NKIRAS1: variants seen among roughly 807,000 people sequenced by gnomAD.
NKIRAS1 encodes NF-kappa-B inhibitor-interacting Ras-like protein 1.
In NKIRAS1, 16 loss-of-function variants were observed where a neutral mutation model predicts 19.8. That is an observed-to-expected ratio of 0.81 (90% CI 0.55 to 1.23). The LOEUF (loss-of-function observed/expected upper bound fraction) is 1.23. Ranked by LOEUF, NKIRAS1 falls within the 50% of genes most tolerant of loss-of-function variation. The pLI is 0.00. For missense variants in NKIRAS1, 184 were observed against 220.0 expected (o/e 0.84, Z 1.04); for synonymous variants, 88 against 79.0 (o/e 1.11, Z -0.61).
chr3:23,917,767 TG>T (rs1394781997), upstream of NKIRAS1: 5 of 1,384,186 alleles, frequency 3.6e-6, no homozygotes, highest in Non-Finnish European at 4.9e-6. Context: ...TCCTTGTTTT[TG>T]TTGGGGAACT....
rs555161640 is a variant in NKIRAS1 at position 23,922,163 on chromosome 3, T to A, written c.-139-10713A>T. The stretch of plus-strand genomic sequence containing the variant: ...ATCTCACAAAAAATAACAAATCAGC[T>A]GGGCATGGTGTTGCACGCCTGTAGT... On this transcript the variant is annotated intron_variant, in intron 1 of 4. Coordinates refer to the NKIRAS1 transcript ENST00000421515. This position sits in a 1 kb window ranked among gnomAD's most constrained non-coding sequence, Gnocchi z 4.2. The A allele has an allele frequency of 6.5e-6, 1 of 153,082 alleles. No individual in the cohort carries two copies. Among genetic ancestry groups the A allele is most frequent in the South Asian group, 2.1e-4 (1 of 4,876 alleles). 9.5% of individuals were successfully genotyped at this position (153,082 alleles called of 1,614,324 possible). A position where few individuals can be genotyped will look rare whatever the true frequency, so the allele number is the denominator to read the frequency against.
intron 1 of NKIRAS1, among the ~76,000 whole-genome samples, chr3:23,934,993 T>C (rs998097347): frequency 1.3e-5 from 2 of 152,132 alleles, no homozygotes. Context: ...CCCGCTCCAA[T>C]CCAATCCACC....
chr3:23,939,251 CA>C (rs1705450421), intron 1 of NKIRAS1, among the ~76,000 whole-genome samples: 1 of 151,592 alleles, frequency 6.6e-6, no homozygotes, highest in Non-Finnish European at 1.5e-5. Flanking sequence ...GATAAATGTC[CA>C]AATCAAGAAA....
chr3:23,918,380 T>C, upstream of NKIRAS1: 1 of 1,557,946 alleles, frequency 6.4e-7, no homozygotes, highest in Non-Finnish European at 8.7e-7. Flanking sequence ...GACAAGCCAT[T>C]GAGTCTTAAG....
At chr3:23,893,366 A>C (rs776365540) in intron 4 of NKIRAS1, 29 bp from the exon 5 acceptor site, 6 of 1,587,012 alleles carry the variant, frequency 3.8e-6, no homozygotes, top group Non-Finnish European at 5.1e-6. Context: ...AAAAGATCAT[A>C]CTAGTACTTT....
chr3:23,907,819 T>C (rs922120110), intron 3 of NKIRAS1, among the ~76,000 whole-genome samples: 2 of 152,234 alleles, frequency 1.3e-5, no homozygotes, highest in Non-Finnish European at 2.9e-5. Flanking sequence ...AAATGGAAAC[T>C]ATACATAAAG....
At chr3:23,904,371 G>C (rs540610891) in intron 3 of NKIRAS1, among the ~76,000 whole-genome samples, 1 of 152,302 alleles carries the variant, frequency 6.6e-6, no homozygotes, top group East Asian at 1.9e-4. Flanking sequence ...GCAAGATGGA[G>C]CCTTGTTGCT....
At chr3:23,930,634 A>G (rs1705297841) in intron 1 of NKIRAS1, among the ~76,000 whole-genome samples, 1 of 152,186 alleles carries the variant, frequency 6.6e-6, no homozygotes, top group African/African-American at 2.4e-5. Flanking sequence ...TTTCATAATT[A>G]TAATGATCAT....
chr3:23,945,570 G>C (rs1235481941), intron 1 of NKIRAS1: 3 of 1,168,530 alleles, frequency 2.6e-6, no homozygotes, highest in Non-Finnish European at 3.2e-6. Context: ...CCGCCTCCGC[G>C]AGGGCACCAT....
chr3:23,901,691 G>A (rs1213828819), intron 3 of NKIRAS1, among the ~76,000 whole-genome samples: 1 of 152,182 alleles, frequency 6.6e-6, no homozygotes, highest in Non-Finnish European at 1.5e-5. Context: ...AGGAATTAAA[G>A]GGAGAAGATT....
At chr3:23,899,351 TA>T (rs1369273054) in intron 4 of NKIRAS1, among the ~76,000 whole-genome samples, 4 of 152,128 alleles carry the variant, frequency 2.6e-5, no homozygotes, top group African/African-American at 9.7e-5. Context: ...TGTTACTTCT[TA>T]AAACTGCATG....
rs541172222 is a variant in NKIRAS1, at chr3:23,937,200, G to A, written c.-140+9123C>T. ...TCGAGACCAGCCTGGCCAATGTGGC[G>A]AAACCCAGTCTCTACAAAAAATACA... On this transcript the variant is annotated intron_variant, in intron 1 of 4. Coordinates refer to the NKIRAS1 transcript ENST00000421515. Among the ~76,000 whole-genome samples, 1,010 of 151,934 alleles carry A rather than the reference G, an allele frequency of 6.6e-3. 11 individuals are homozygous for A. The highest frequency in any genetic ancestry group is 0.023 in the African/African-American group (965 of 41,402).
At chr3:23,908,432 C>G (rs780422716) in intron 3 of NKIRAS1, among the ~76,000 whole-genome samples, 1 of 152,084 alleles carries the variant, frequency 6.6e-6, no homozygotes, top group African/African-American at 2.4e-5. Flanking sequence ...TATCTGTGTG[C>G]GGCTGGATTT....
intron 1 of NKIRAS1, among the ~76,000 whole-genome samples, chr3:23,942,733 TTTACA>T (rs1705528221): frequency 6.6e-6 from 1 of 152,034 alleles, no homozygotes; most frequent in Non-Finnish European, 1.5e-5. Flanking sequence ...AAAGCCACAG[TTTACA>T]TTAGGATACA....
upstream of NKIRAS1, chr3:23,920,237 G>C (rs1487123552): frequency 2.1e-5 from 21 of 985,726 alleles, no homozygotes; most frequent in South Asian, 6.6e-4. Flanking sequence ...TGCTAATTGT[G>C]ATCATTATGA....
upstream of NKIRAS1, chr3:23,920,458 A>G (rs969860175): frequency 1.0e-5 from 10 of 985,286 alleles, no homozygotes; most frequent in African/African-American, 1.6e-4. Flanking sequence ...ACCATTCCAC[A>G]AAGTTGGACC....
chr3:23,917,289 G>C (rs1374313257), upstream of NKIRAS1: 2 of 152,546 alleles, frequency 1.3e-5, no homozygotes, highest in African/African-American at 4.8e-5. Context: ...TGTGCGGCCA[G>C]AGTTTGGTCA....
upstream of NKIRAS1, chr3:23,918,830 G>A (rs746326389): frequency 2.4e-5 from 13 of 533,776 alleles, no homozygotes; most frequent in African/African-American, 5.7e-5. Flanking sequence ...ACCAAATGTG[G>A]CCTGCACAGC....
Position 23,893,022 on chromosome 3 carries a change from T to C in NKIRAS1, c.*73A>G, listed in dbSNP as rs1344193131. 9 of 1,441,420 alleles carry C rather than the reference T, an allele frequency of 6.2e-6. No homozygotes were observed. Among genetic ancestry groups the C allele is most frequent in the Admixed American group, 2.5e-5 (1 of 39,572 alleles). The allele number at this position is 1,441,420 out of a possible 1,614,324, so 89.3% of individuals were successfully genotyped here. On this transcript the variant is annotated 3_prime_UTR_variant, in exon 5 of 5. Transcript: ENST00000425478. ...GATACAAATGGCCTATTTTAAATAG[T>C]AATATTACTCCATGTTCACAGACAC... is the stretch of plus-strand genomic sequence containing the variant.
Sources: allele counts gnomAD v4.1 joint callset (sites outside exome capture counted in the v4.1 genomes callset), GRCh38; gene constraint gnomAD v4.1.1; non-coding constraint Gnocchi (gnomAD v3.1); transcripts MANE v1.5; gene names NCBI Gene and HGNC (gene_info 2026-07-23, HGNC 2026-07-21).